USP7: variants seen among roughly 807,000 people sequenced by gnomAD.
USP7 encodes the protein ubiquitin C-terminal hydrolase 7.
Under a neutral mutation model 162.9 loss-of-function variants are expected in USP7, and 9 were observed. The ratio of observed to expected loss-of-function variants is 0.06; its 90% CI spans 0.03 to 0.10. USP7 has a LOEUF of 0.10. USP7 is among the 10% of genes least tolerant of loss of function. The pLI is 1.00. For synonymous variants in USP7, 562 were observed against 475.9 expected (o/e 1.18, Z -2.35); for missense variants, 715 against 1,373.7 (o/e 0.52, Z 7.58).
chr16:8,922,734 A>T (rs1222962185), intron 3 of USP7, among the ~76,000 whole-genome samples: 1 of 152,248 alleles, frequency 6.6e-6, no homozygotes, highest in African/African-American at 2.4e-5. Context: ...AGGACCATCA[A>T]GATTTCTCAG....
At chr16:8,899,917 C>T in intron 21 of USP7, 160 bp from the exon 22 acceptor site, 1 of 838,052 alleles carries the variant, frequency 1.2e-6, no homozygotes. Flanking sequence ...CCTGAGCTCC[C>T]TCTGTAAGCG....
chr16:8,958,870 C>T (rs1034567529), intron 1 of USP7, among the ~76,000 whole-genome samples: 5 of 152,334 alleles, frequency 3.3e-5, no homozygotes, highest in Non-Finnish European at 7.4e-5. Flanking sequence ...ACATCAAGCC[C>T]AAGATTTCAA....
At chr16:8,899,862 T>G in intron 21 of USP7, 105 bp from the exon 22 acceptor site, 8 of 1,356,784 alleles carry the variant, frequency 5.9e-6, no homozygotes, top group Non-Finnish European at 7.3e-6. Context: ...ACAGGCTCTC[T>G]TGCAAGATAA....
intron 1 of USP7, among the ~76,000 whole-genome samples, chr16:8,959,695 T>C (rs1453125247): frequency 1.3e-5 from 2 of 152,228 alleles, no homozygotes; most frequent in African/African-American, 2.4e-5. Flanking sequence ...CTTCTATTAG[T>C]TATAATCACA....
intron 6 of USP7, 81 bp downstream of exon 6, chr16:8,918,950 T>G: frequency 7.1e-7 from 1 of 1,405,120 alleles, no homozygotes; most frequent in Non-Finnish European, 1.0e-6. Context: ...GACGCCATGT[T>G]TGTTGAGAGG....
chr16:8,951,907 G>T (rs950192753), intron 1 of USP7, among the ~76,000 whole-genome samples: 3 of 152,206 alleles, frequency 2.0e-5, no homozygotes, highest in Admixed American at 6.5e-5. Flanking sequence ...CACCTGCAGT[G>T]TATCAGTGGC....
intron 25 of USP7, 122 bp from the exon 26 acceptor site, chr16:8,897,221 T>C (rs1279433302): frequency 2.7e-6 from 2 of 739,716 alleles, no homozygotes; most frequent in Non-Finnish European, 4.6e-6. Context: ...CCCCATGTTC[T>C]TGCTCTCATT....
Position 8,905,174 on chromosome 16 carries a change from G to C in USP7, c.1573+13C>G, listed in dbSNP as rs2061840953. On this transcript the variant is annotated intron_variant, in intron 14 of 30. Coordinates refer to ENST00000344836, the MANE Select transcript of USP7 (RefSeq NM_003470.3). ...CCACAGTAAAGAACAGAACAAAAGT[G>C]AACACTACTCACTCAGTTTTGATTC... 1.2e-6 allele frequency: 2 copies of C among 1,612,612 alleles called. No homozygotes were observed. Among genetic ancestry groups the C allele is most frequent in the South Asian group, 2.2e-5 (2 of 91,050 alleles).
intron 20 of USP7, 69 bp from the exon 21 acceptor site, chr16:8,900,699 C>G (rs2061760484): frequency 8.5e-7 from 1 of 1,170,976 alleles, no homozygotes; most frequent in Admixed American, 2.2e-5. Flanking sequence ...AGATAGTCTT[C>G]CATGTACTTA....
intron 25 of USP7, among the ~76,000 whole-genome samples, chr16:8,897,816 T>C (rs2061712821): frequency 6.8e-6 from 1 of 146,502 alleles, no homozygotes; most frequent in African/African-American, 2.5e-5. Flanking sequence ...GGAGGATCAC[T>C]TGAGCCCAGG....
chr16:8,927,729 G>A (rs1452057860), intron 2 of USP7, among the ~76,000 whole-genome samples: 5 of 152,166 alleles, frequency 3.3e-5, no homozygotes, highest in Non-Finnish European at 5.9e-5. Context: ...CCAGCTACTC[G>A]GGAGGCTGAG....
At chr16:8,921,084 G>GA in intron 4 of USP7, 73 bp downstream of exon 4, 1 of 1,509,262 alleles carries the variant, frequency 6.6e-7, no homozygotes. Flanking sequence ...TAAAGGACTT[G>GA]AAAAATCAAA....
At chr16:8,953,544 C>A (rs1411861035) in intron 1 of USP7, among the ~76,000 whole-genome samples, 1 of 123,282 alleles carries the variant, frequency 8.1e-6, no homozygotes, top group Non-Finnish European at 1.9e-5. Flanking sequence ...AAGACACGTG[C>A]CCCATGCGGC....
At chr16:8,937,765 T>C (rs1898832603) in intron 1 of USP7, among the ~76,000 whole-genome samples, 1 of 152,030 alleles carries the variant, frequency 6.6e-6, no homozygotes, top group Admixed American at 6.6e-5. Flanking sequence ...CTCAAGCAAT[T>C]CAAGGCAGAC....
At position 8,907,578 on chromosome 16, in the gene USP7, G is replaced by A. The variant is rs116953593; in HGVS notation, c.1271+763C>T. Among the ~76,000 whole-genome samples the A allele has an allele frequency of 1.1e-4, 16 of 152,310 alleles. No homozygotes were observed. The East Asian group carries it at 2.7e-3, about 26-fold the overall frequency. Reference sequence around the variant, plus strand: ...ACAACCTAGAAAACTACTTGTGGCCGGGTGTGGTGGTTCACGCCAGTAATC... The same window carrying A: ...ACAACCTAGAAAACTACTTGTGGCCAGGTGTGGTGGTTCACGCCAGTAATC... On this transcript the variant is annotated intron_variant, in intron 12 of 30. Coordinates refer to ENST00000344836, the MANE Select transcript of USP7 (RefSeq NM_003470.3).
At chr16:8,933,168 G>T (rs900958144) in intron 1 of USP7, among the ~76,000 whole-genome samples, 2 of 152,092 alleles carry the variant, frequency 1.3e-5, no homozygotes, top group Admixed American at 1.3e-4. Context: ...TCAAACTCCT[G>T]ACCTCAAGTG....
At chr16:8,944,465 C>A (rs1899189644) in intron 1 of USP7, among the ~76,000 whole-genome samples, 1 of 152,120 alleles carries the variant, frequency 6.6e-6, no homozygotes, top group African/African-American at 2.4e-5. Context: ...AAAAGACAAG[C>A]CAGTTTGGGG....
chr16:8,928,590 TCTC>T (rs952373050), intron 2 of USP7, among the ~76,000 whole-genome samples: 24 of 152,274 alleles, frequency 1.6e-4, no homozygotes, highest in Non-Finnish European at 3.5e-4. Flanking sequence ...TACAAGTTCT[TCTC>T]CTACAGTCAG....
At chr16:8,905,401 G>T in intron 13 of USP7, 70 bp from the exon 14 acceptor site, 2 of 1,579,576 alleles carry the variant, frequency 1.3e-6, no homozygotes, top group Non-Finnish European at 1.7e-6. Flanking sequence ...AGAAGGCAGC[G>T]TTGTTCTAAA....
Sources: gnomAD v4.1 joint callset for allele counts (sites outside exome capture counted in the v4.1 genomes callset) on GRCh38, gnomAD v4.1.1 for gene constraint, MANE v1.5 for transcripts, NCBI Gene and HGNC (gene_info 2026-07-23, HGNC 2026-07-21) for gene names.